Variants in P2RY8 observed in about 807,000 individuals in gnomAD.
P2RY8 encodes the protein P2Y receptor family member 8.
In P2RY8, 6 loss-of-function variants were observed where a neutral mutation model predicts 10.0. That is an observed-to-expected ratio of 0.60 (90% CI 0.33 to 1.19). P2RY8 has a LOEUF of 1.19. Among genes scored for constraint, P2RY8 ranks in the 50% most tolerant of loss-of-function variants. The probability of loss-of-function intolerance (pLI) is 0.04; values close to 1 mark genes in which losing one functional copy is unlikely to be tolerated. For synonymous variants in P2RY8, 276 were observed against 252.5 expected (o/e 1.09, Z -0.88); for missense variants, 456 against 542.0 (o/e 0.84, Z 1.58).
Position 1,465,932 on chromosome X carries a change from G to T in P2RY8, c.627C>A (p.Thr209=). 1 of 1,612,492 alleles carries T rather than the reference G, an allele frequency of 6.2e-7. No homozygotes were observed. The highest frequency in any genetic ancestry group is 2.2e-5 in the East Asian group (1 of 44,872). Reference sequence around the variant, plus strand: ...GGATGGTGGCCGTGTAACAAGCCACGGTGATCACGAACGGGATGAGGAACA... The same window carrying T: ...GGATGGTGGCCGTGTAACAAGCCACTGTGATCACGAACGGGATGAGGAACA... ...ILLFLIPFVI[T]VACYTATILK... is the part of the protein sequence containing the mutation. Residue 209 remains threonine, a synonymous_variant, in exon 2 of 2, where the codon ACC becomes ACA. Transcript: ENST00000381297.
intron 1 of P2RY8, among the ~76,000 whole-genome samples, chrX:1,477,371 T>C (rs1250206727): frequency 3.3e-5 from 5 of 151,736 alleles, no homozygotes; most frequent in African/African-American, 1.2e-4. Flanking sequence ...TATCTACCTA[T>C]CAATTTTCTC....
chrX:1,499,301 T>A (rs1387792201), intron 1 of P2RY8, among the ~76,000 whole-genome samples: 1 of 151,924 alleles, frequency 6.6e-6, no homozygotes, highest in Admixed American at 6.6e-5. Flanking sequence ...TAGCTGGGAT[T>A]ACACGAGGTG....
intron 1 of P2RY8, among the ~76,000 whole-genome samples, chrX:1,481,852 C>T (rs1269323788): frequency 6.6e-6 from 1 of 152,162 alleles, no homozygotes; most frequent in Non-Finnish European, 1.5e-5. Flanking sequence ...GATCACAAGG[C>T]AAGAATCCTC....
At chrX:1,495,379 C>A (rs544600603) in intron 1 of P2RY8, among the ~76,000 whole-genome samples, 1 of 152,212 alleles carries the variant, frequency 6.6e-6, no homozygotes, top group East Asian at 1.9e-4. Flanking sequence ...AATGAGGTCA[C>A]CAGGAGTGGG....
chrX:1,488,713 G>C (rs1449364669), intron 1 of P2RY8, among the ~76,000 whole-genome samples: 2 of 149,712 alleles, frequency 1.3e-5, no homozygotes, highest in African/African-American at 5.0e-5. Context: ...GTGCACCCAG[G>C]ATGGTCTTGG....
At chrX:1,468,063 G>A (rs750718065) in intron 1 of P2RY8, among the ~76,000 whole-genome samples, 1 of 152,082 alleles carries the variant, frequency 6.6e-6, no homozygotes, top group African/African-American at 2.4e-5. Flanking sequence ...CAATCCTCCT[G>A]AGTACCTGGG....
At chrX:1,492,774 G>A (rs1480246887) in intron 1 of P2RY8, among the ~76,000 whole-genome samples, 30 of 152,034 alleles carry the variant, frequency 2.0e-4, no homozygotes, top group African/African-American at 7.0e-4. Context: ...CCAGAGAGAG[G>A]GCCCACGGAG....
At chrX:1,497,956 G>C (rs1239838518) in intron 1 of P2RY8, among the ~76,000 whole-genome samples, 1 of 152,048 alleles carries the variant, frequency 6.6e-6, no homozygotes, top group African/African-American at 2.4e-5. Flanking sequence ...GAAGCAGAGA[G>C]GGATGAGCAG....
chrX:1,513,038 C>A (rs2092311216), intron 1 of P2RY8, among the ~76,000 whole-genome samples: 3 of 142,640 alleles, frequency 2.1e-5, no homozygotes, highest in Non-Finnish European at 3.0e-5. Flanking sequence ...CACCCCCCAA[C>A]AGGCCCCGGT....
chrX:1,530,906 CATCT>C (rs59593447), intron 1 of P2RY8, among the ~76,000 whole-genome samples: 15,239 of 151,510 alleles, frequency 0.1, 840 homozygotes, highest in African/African-American at 0.12. Context: ...TTTAATCTAT[CATCT>C]ATCTATCTAA....
At chrX:1,476,779 G>A (rs1295850147) in intron 1 of P2RY8, among the ~76,000 whole-genome samples, 1 of 152,084 alleles carries the variant, frequency 6.6e-6, no homozygotes, top group Non-Finnish European at 1.5e-5. Context: ...TCTGGTGGGT[G>A]GAGCCCAGGG....
intron 1 of P2RY8, among the ~76,000 whole-genome samples, chrX:1,502,370 C>T (rs1235919670): frequency 1.3e-5 from 2 of 152,178 alleles, no homozygotes; most frequent in East Asian, 1.9e-4. Context: ...CCCCTCCCTC[C>T]CCCACTTCGA....
At chrX:1,494,612 G>T (rs1435437855) in intron 1 of P2RY8, among the ~76,000 whole-genome samples, 1 of 152,114 alleles carries the variant, frequency 6.6e-6, no homozygotes, top group Admixed American at 6.5e-5. Flanking sequence ...TAGAAAATGG[G>T]TTAAACTTAA....
At position 1,506,456 on chromosome X, in the gene P2RY8, T is replaced by C. The variant is rs1479471464; in HGVS notation, c.-25+30465A>G. On this transcript the variant is annotated intron_variant, in intron 1 of 1. Transcript: ENST00000381297. ...GGAGATGTCTCTTCTGAGAGAAGAC[T>C]GCCTCTTTGTCCTTTCCATTGAGAA... is the stretch of plus-strand genomic sequence containing the variant. Among the ~76,000 whole-genome samples the C allele has an allele frequency of 6.7e-5, 9 of 133,810 alleles. No individual in the cohort carries two copies. In the East Asian group the frequency reaches 1.5e-3, roughly 22 times the overall value. The allele number at this position is 133,810 out of a possible 152,430, so 87.8% of individuals were successfully genotyped here. A position where few individuals can be genotyped will look rare whatever the true frequency, so the allele number is the denominator to read the frequency against.
intron 1 of P2RY8, among the ~76,000 whole-genome samples, chrX:1,518,751 CTG>C (rs1434072613): frequency 6.6e-6 from 1 of 151,974 alleles, no homozygotes; most frequent in Non-Finnish European, 1.5e-5. Context: ...TCAATATTCT[CTG>C]TGGTTCACAA....
At chrX:1,483,559 G>T (rs1178788108) in intron 1 of P2RY8, among the ~76,000 whole-genome samples, 1 of 152,054 alleles carries the variant, frequency 6.6e-6, no homozygotes, top group Non-Finnish European at 1.5e-5. Flanking sequence ...GCTTGAACCC[G>T]GGAGGCAGAG....
chrX:1,468,014 C>G (rs779222895), intron 1 of P2RY8, among the ~76,000 whole-genome samples: 10 of 151,870 alleles, frequency 6.6e-5, no homozygotes, highest in African/African-American at 2.2e-4. Flanking sequence ...CACAGTTTTG[C>G]TACATTTCCC....
intron 1 of P2RY8, among the ~76,000 whole-genome samples, chrX:1,495,832 G>GC (rs1569537515): frequency 9.8e-6 from 1 of 101,902 alleles, no homozygotes; most frequent in Non-Finnish European, 2.2e-5. Flanking sequence ...TTGTGTATAA[G>GC]CCCCCCAGTC....
chrX:1,522,503 G>A (rs748880853), intron 1 of P2RY8, among the ~76,000 whole-genome samples: 54 of 152,276 alleles, frequency 3.5e-4, no homozygotes, highest in African/African-American at 9.6e-4. Flanking sequence ...GATAATTATA[G>A]TACACTGGCC....
Sources: allele counts gnomAD v4.1 joint callset (sites outside exome capture counted in the v4.1 genomes callset), GRCh38; gene constraint gnomAD v4.1.1; transcripts MANE v1.5; gene names NCBI Gene and HGNC (gene_info 2026-07-23, HGNC 2026-07-21).